CEP152: variants seen among roughly 807,000 people sequenced by gnomAD.
CEP152 encodes centrosomal protein of 152 kDa.
Under a neutral mutation model 188.9 loss-of-function variants are expected in CEP152, and 132 were observed. The observed-to-expected ratio is 0.70, with a 90% confidence interval of 0.61 to 0.81. CEP152 has a LOEUF of 0.81. CEP152 is among the 30% of genes least tolerant of loss of function. The probability of loss-of-function intolerance (pLI) is 0.00; values close to 1 mark genes in which losing one functional copy is unlikely to be tolerated. For missense variants in CEP152, 1,914 were observed against 1,969.8 expected, an observed-to-expected ratio of 0.97 and a Z score of 0.54; for synonymous variants, 649 against 666.6, an observed-to-expected ratio of 0.97 and a Z score of 0.41.
At chr15:48,780,521 G>A (rs1426324755) in intron 12 of CEP152, among the ~76,000 whole-genome samples, 2 of 152,154 alleles carry the variant, frequency 1.3e-5, no homozygotes, top group African/African-American at 4.8e-5. Context: ...CAACAATGAT[G>A]ACGAACTCCA....
At chr15:48,807,926 A>C (rs1898090418) in intron 1 of CEP152, among the ~76,000 whole-genome samples, 1 of 152,106 alleles carries the variant, frequency 6.6e-6, no homozygotes, top group East Asian at 1.9e-4. Context: ...TAAAATATCA[A>C]AGTATATATC....
intron 21 of CEP152, among the ~76,000 whole-genome samples, chr15:48,752,076 A>C (rs1893914026): frequency 6.6e-6 from 1 of 152,204 alleles, no homozygotes; most frequent in Admixed American, 6.5e-5. Flanking sequence ...CCTTGATTTC[A>C]GGGAATAAAA....
intron 11 of CEP152, 63 bp from the exon 12 acceptor site, chr15:48,781,422 C>A: frequency 1.4e-6 from 2 of 1,400,542 alleles, no homozygotes; most frequent in South Asian, 1.2e-5. Flanking sequence ...ATCAGTCATT[C>A]TGTTTCAAAA....
At chr15:48,787,144 A>G (rs138544116) in intron 9 of CEP152, among the ~76,000 whole-genome samples, 1 of 145,946 alleles carries the variant, frequency 6.9e-6, no homozygotes, top group African/African-American at 2.5e-5. Context: ...AGACTTTTCA[A>G]TAATTTGGTA....
rs368306898 is a variant in CEP152, at chr15:48,741,939, G to A, written c.3989+8C>T. The A allele has an allele frequency of 6.2e-7, 1 of 1,614,010 alleles. No individual in the cohort carries two copies. ...AATCTCAGGACACATTGTTCAGACTGAACTCACCCTTCTTTTCCATCATCC... is the reference window on the plus strand; with the variant it reads ...AATCTCAGGACACATTGTTCAGACTAAACTCACCCTTCTTTTCCATCATCC... On this transcript the variant is annotated splice_region_variant and intron_variant, in intron 25 of 26. Coordinates refer to ENST00000380950, the MANE Select transcript of CEP152 (RefSeq NM_001194998.2).
At chr15:48,768,369 A>T in intron 14 of CEP152, 41 bp from the exon 15 acceptor site, 1 of 1,092,504 alleles carries the variant, frequency 9.2e-7, no homozygotes, top group Non-Finnish European at 1.4e-6. Context: ...CAGAAAATAA[A>T]CATCATTTTC....
intron 1 of CEP152, among the ~76,000 whole-genome samples, chr15:48,808,167 A>G (rs1200442751): frequency 6.6e-6 from 1 of 152,012 alleles, no homozygotes; most frequent in Admixed American, 6.5e-5. Flanking sequence ...GACTTAAAAT[A>G]AAAGCTAATA....
Position 48,788,989 on chromosome 15 carries a change from A to G in CEP152, c.985T>C (p.Ser329Pro). Residue 329 changes from serine (S) to proline (P), a missense_variant, in exon 9 of 27, where the codon TCC becomes CCC. Physicochemically the swap from Ser to Pro is moderately conservative, Grantham distance 74. Transcript: ENST00000380950. ...TCCAGAGCCATTTCAGTTGTTCTGG[A>G]CTTCTTGATCATCTAGTAAATACAC... The part of the protein sequence containing the change: ...KVNEEQMIKK[S>P]RTTEMALESL... 6.2e-7 allele frequency: 1 copy of G among 1,614,004 alleles called. No individual in the cohort carries two copies. The highest frequency in any genetic ancestry group is 8.5e-7 in the Non-Finnish European group (1 of 1,179,928).
chr15:48,783,436 T>G (rs1896405392), intron 10 of CEP152: 1 of 152,176 alleles, frequency 6.6e-6, no homozygotes, highest in Admixed American at 6.6e-5. Context: ...TAGAACTATA[T>G]GATCAAATAT....
chr15:48,750,691 A>G (rs1007591852), intron 21 of CEP152, among the ~76,000 whole-genome samples: 4 of 152,194 alleles, frequency 2.6e-5, no homozygotes, highest in Non-Finnish European at 5.9e-5. Context: ...TTGCATCAAC[A>G]CAGACAAATC....
intron 9 of CEP152, among the ~76,000 whole-genome samples, chr15:48,786,607 G>A (rs1032625725): frequency 6.6e-5 from 10 of 152,102 alleles, no homozygotes; most frequent in Non-Finnish European, 8.8e-5. Context: ...TCTGTTAGGC[G>A]CTTTGGAATC....
intron 18 of CEP152, among the ~76,000 whole-genome samples, chr15:48,761,381 T>G (rs79414126): frequency 6.6e-6 from 1 of 152,130 alleles, no homozygotes; most frequent in African/African-American, 2.4e-5. Context: ...GAGTGCTATC[T>G]TGTTTAAGAG....
chr15:48,762,551 C>T lies in CEP152; in HGVS notation c.2402G>A (p.Ser801Asn), dbSNP rs1260157262. The T allele has an allele frequency of 6.2e-7, 1 of 1,613,918 alleles. No homozygotes were observed. The highest frequency in any genetic ancestry group is 1.1e-5 in the South Asian group (1 of 91,078). Reference sequence around the variant, plus strand: ...CATCTCTTTCTTGGAAATAACATCACTGGTGGTTACTTGGTCAGTTTGGCT... The same window carrying T: ...CATCTCTTTCTTGGAAATAACATCATTGGTGGTTACTTGGTCAGTTTGGCT... ...CGSQTDQVTTSDVISKKEMAI... is the reference protein window; with the variant it reads ...CGSQTDQVTTNDVISKKEMAI... Residue 801 changes from serine to asparagine, a missense_variant, in exon 18 of 27, where the codon AGT becomes AAT. By Grantham distance (46) the Ser-to-Asn change is conservative. Transcript: ENST00000380950.
chr15:48,781,988 G>T, intron 11 of CEP152, 151 bp downstream of exon 11: 1 of 707,334 alleles, frequency 1.4e-6, no homozygotes, highest in Non-Finnish European at 2.5e-6. Context: ...CTTGCCAACT[G>T]TGTGAAGGAG....
chr15:48,733,182 A>G (rs1250407452), downstream of CEP152, among the ~76,000 whole-genome samples: 1 of 152,228 alleles, frequency 6.6e-6, no homozygotes, highest in African/African-American at 2.4e-5. Context: ...AATTTGTTGT[A>G]AAGTTCAAAA....
rs1286565627 is a variant in CEP152, at chr15:48,791,338, G to C, written c.871C>G (p.Gln291Glu). The C allele has an allele frequency of 6.2e-7, 1 of 1,612,578 alleles. No homozygotes were observed. Among genetic ancestry groups the C allele is most frequent in the South Asian group, 1.1e-5 (1 of 91,054 alleles). Residue 291 changes from glutamine (Q) to glutamate (E), a missense_variant, in exon 8 of 27, where the codon CAG becomes GAG. By Grantham distance (29) the Gln-to-Glu change is conservative. Transcript: ENST00000380950. ...TCTTTTCCATTCTGAAAGAGTTTCT[G>C]TGATTCTCGAAGGCTGAGAGTCAAA... Reference protein sequence around the residue: ...DGLTLSLRESQKLFQNGKERE... With the variant: ...DGLTLSLRESEKLFQNGKERE...
intron 8 of CEP152, among the ~76,000 whole-genome samples, chr15:48,789,848 T>C (rs1896895942): frequency 1.3e-5 from 2 of 152,188 alleles, no homozygotes; most frequent in South Asian, 2.1e-4. Flanking sequence ...GACACCCTGA[T>C]TTTAGCCTAG....
Position 48,738,159 on chromosome 15 carries a change from G to A in CEP152, c.*90C>T. On this transcript the variant is annotated 3_prime_UTR_variant, in exon 27 of 27. Transcript: ENST00000380950. The stretch of plus-strand genomic sequence containing the variant: ...CAGATGTTATTAAAACATCTCAAAA[G>A]AGGCAGGGCTCACAATTTTTTTCAG... The A allele has an allele frequency of 7.6e-7, 1 of 1,311,568 alleles. No individual in the cohort carries two copies. The highest frequency in any genetic ancestry group is 1.0e-6 in the Non-Finnish European group (1 of 969,980). 81.2% of individuals were successfully genotyped at this position (1,311,568 alleles called of 1,614,324 possible). A position where few individuals can be genotyped will look rare whatever the true frequency, so the allele number is the denominator to read the frequency against.
chr15:48,764,454 C>T (rs1013687549), intron 17 of CEP152, among the ~76,000 whole-genome samples: 2 of 152,142 alleles, frequency 1.3e-5, no homozygotes, highest in Non-Finnish European at 2.9e-5. Context: ...CAAGTTAAAA[C>T]ATGAACTTGT....
Sources: allele counts gnomAD v4.1 joint callset (sites outside exome capture counted in the v4.1 genomes callset), GRCh38; gene constraint gnomAD v4.1.1; transcripts MANE v1.5; gene names NCBI Gene and HGNC (gene_info 2026-07-23, HGNC 2026-07-21).